SH2D4B: variants seen among roughly 807,000 people sequenced by gnomAD.
The protein encoded by SH2D4B is SH2 domain-containing protein 4B.
Under a neutral mutation model 61.5 loss-of-function variants are expected in SH2D4B, and 45 were observed. The ratio of observed to expected loss-of-function variants is 0.73; its 90% CI spans 0.58 to 0.94. The LOEUF (loss-of-function observed/expected upper bound fraction) is 0.94, where lower values mean the gene tolerates loss of function less well. Among genes scored for constraint, SH2D4B ranks in the 40% least tolerant of loss-of-function variants. The pLI is 0.00. For synonymous variants in SH2D4B, 224 were observed against 220.4 expected (o/e 1.02, Z -0.14); for missense variants, 572 against 574.2 (o/e 1.00, Z 0.04).
rs899311447 is a variant in SH2D4B at position 80,538,337 on chromosome 10, G to T, written c.6G>T (p.Leu2=). 7 of 1,346,086 alleles carry T rather than the reference G, an allele frequency of 5.2e-6. No homozygotes were observed. Among genetic ancestry groups the T allele is most frequent in the African/African-American group, 1.5e-5 (1 of 66,188 alleles). 83.4% of individuals were successfully genotyped at this position (1,346,086 alleles called of 1,614,324 possible). ...CGTGCATCCCAGGTGGCATCATGCT[G>T]CAGCAGATCCTGCACGACATGTACA... M[L]QQILHDMYID... Residue 2 remains leucine, a synonymous_variant, in exon 1 of 8, where the codon CTG becomes CTT. Transcript: ENST00000646907. This position sits in a 1 kb window ranked among gnomAD's most constrained non-coding sequence, Gnocchi z 4.8.
At position 80,538,406 on chromosome 10, in the gene SH2D4B, C is replaced by A; in HGVS notation, c.75C>A (p.His25Gln). 6.8e-7 allele frequency: 1 copy of A among 1,479,554 alleles called. No homozygotes were observed. The highest frequency in any genetic ancestry group is 9.0e-7 in the Non-Finnish European group (1 of 1,113,292). The allele number at this position is 1,479,554 out of a possible 1,614,324, so 91.7% of individuals were successfully genotyped here. A position where few individuals can be genotyped will look rare whatever the true frequency, so the allele number is the denominator to read the frequency against. The change falls in exon 1 of 8, where the codon CAC becomes CAA. Residue 25 changes from histidine (H) to glutamine (Q), a missense_variant. Physicochemically the swap from His to Gln is conservative, Grantham distance 24 (BLOSUM62 0). Coordinates refer to ENST00000646907, the MANE Select transcript of SH2D4B (RefSeq NM_001388272.1). This position sits in a 1 kb window ranked among gnomAD's most constrained non-coding sequence, Gnocchi z 4.8. ...CCGAGCTCAGCGATGTGCAGAAGCA[C>A]ATCCTCTTCTACAAAATGCGGGAGG... ...LLAELSDVQK[H>Q]ILFYKMREEQ...
intron 6 of SH2D4B, among the ~76,000 whole-genome samples, chr10:80,611,906 A>T (rs1842605759): frequency 6.6e-6 from 1 of 151,978 alleles, no homozygotes; most frequent in South Asian, 2.1e-4. Flanking sequence ...AAGCATGCAG[A>T]AAAGTTGCTG....
At chr10:80,557,498 T>C (rs962220829) in intron 1 of SH2D4B, among the ~76,000 whole-genome samples, 1 of 152,146 alleles carries the variant, frequency 6.6e-6, no homozygotes, top group Non-Finnish European at 1.5e-5. Context: ...ATGTCTTTCA[T>C]TGTGGGCAGA....
At chr10:80,567,895 A>AT (rs903060759) in intron 1 of SH2D4B, among the ~76,000 whole-genome samples, 18 of 152,176 alleles carry the variant, frequency 1.2e-4, no homozygotes, top group Non-Finnish European at 2.5e-4. Context: ...ACAACCAAAG[A>AT]TTTTTTAATC....
intron 4 of SH2D4B, among the ~76,000 whole-genome samples, chr10:80,601,578 A>G (rs1842452516): frequency 6.6e-6 from 1 of 152,174 alleles, no homozygotes; most frequent in Non-Finnish European, 1.5e-5. Context: ...GACCAAAGCA[A>G]ACTCTCCACC....
intron 1 of SH2D4B, among the ~76,000 whole-genome samples, chr10:80,558,333 T>C (rs1841863736): frequency 6.6e-6 from 1 of 152,194 alleles, no homozygotes; most frequent in East Asian, 1.9e-4. Flanking sequence ...AAGTGTTCCA[T>C]AAATGTCAGT....
rs745946529 is a variant in SH2D4B, at chr10:80,588,797, C to T, written c.643+20C>T. On this transcript the variant is annotated intron_variant, in intron 4 of 7. Coordinates refer to ENST00000646907, the MANE Select transcript of SH2D4B (RefSeq NM_001388272.1). ...AACAGTGTGAGTAGAGCTTGTGCCT[C>T]AGGCAGGGAGACCAGTCCCGCCTCC... The T allele has an allele frequency of 1.1e-5, 17 of 1,613,080 alleles. No homozygotes were observed. The Admixed American group carries it at 2.7e-4, about 25-fold the overall frequency.
intron 6 of SH2D4B, among the ~76,000 whole-genome samples, chr10:80,625,231 C>T (rs1842757423): frequency 6.6e-6 from 1 of 152,118 alleles, no homozygotes; most frequent in African/African-American, 2.4e-5. Context: ...TTACCACTCT[C>T]AATGTCTATC....
chr10:80,625,578 T>TC (rs913129346), intron 6 of SH2D4B, among the ~76,000 whole-genome samples: 4 of 148,240 alleles, frequency 2.7e-5, no homozygotes, highest in African/African-American at 2.6e-5. Flanking sequence ...TTTTTCTTTT[T>TC]TTTTCTTTTT....
intron 1 of SH2D4B, among the ~76,000 whole-genome samples, chr10:80,569,249 T>C (rs1842008224): frequency 6.6e-6 from 1 of 152,222 alleles, no homozygotes; most frequent in East Asian, 1.9e-4. Flanking sequence ...CCAGTGGACA[T>C]GAGGCAGAGA....
At position 80,640,208 on chromosome 10, in the gene SH2D4B, G is replaced by A. The variant is rs528980360; in HGVS notation, c.1210-3785G>A. ...GAGGTTAACCCGACCTTTCTCTCCC[G>A]CTGCCCTTAACATTTTTTCCTTCAT... On this transcript the variant is annotated intron_variant, in intron 7 of 7. Transcript: ENST00000646907. Among the ~76,000 whole-genome samples, 16 of 152,188 alleles carry A rather than the reference G, an allele frequency of 1.1e-4. No homozygotes were observed. The South Asian group carries it at 2.1e-3, about 20-fold the overall frequency.
At chr10:80,643,016 G>C (rs896375803) in intron 7 of SH2D4B, 1 of 152,606 alleles carries the variant, frequency 6.6e-6, no homozygotes, top group African/African-American at 2.4e-5. Context: ...CTGATGCTGA[G>C]GATCTTTTCA....
At chr10:80,629,876 C>T (rs1842810590) in intron 6 of SH2D4B, among the ~76,000 whole-genome samples, 1 of 152,132 alleles carries the variant, frequency 6.6e-6, no homozygotes, top group Non-Finnish European at 1.5e-5. Flanking sequence ...TGGAACAAGT[C>T]CCGGGTTATG....
chr10:80,616,092 T>C (rs752045467), intron 6 of SH2D4B, among the ~76,000 whole-genome samples: 23 of 151,848 alleles, frequency 1.5e-4, no homozygotes, highest in Non-Finnish European at 2.9e-4. Context: ...AAGATGACAC[T>C]GATTTAGCCT....
intron 1 of SH2D4B, among the ~76,000 whole-genome samples, chr10:80,550,737 T>G (rs1293815634): frequency 6.6e-6 from 1 of 152,222 alleles, no homozygotes; most frequent in African/African-American, 2.4e-5. Context: ...TAAGGTATTA[T>G]TTCCATTTTA....
chr10:80,592,697 T>C (rs1842343548), intron 4 of SH2D4B, among the ~76,000 whole-genome samples: 1 of 151,212 alleles, frequency 6.6e-6, no homozygotes, highest in Non-Finnish European at 1.5e-5. Context: ...TCTGTTTCTG[T>C]ACTCTGTCTC....
intron 7 of SH2D4B, among the ~76,000 whole-genome samples, chr10:80,637,910 T>C (rs1400110496): frequency 1.3e-5 from 2 of 152,224 alleles, no homozygotes; most frequent in East Asian, 3.8e-4. Flanking sequence ...CAGTATGATA[T>C]TGGCTGTGGG....
chr10:80,542,077 G>A (rs1248252694), intron 1 of SH2D4B, among the ~76,000 whole-genome samples: 2 of 152,040 alleles, frequency 1.3e-5, no homozygotes, highest in South Asian at 2.1e-4. Context: ...GACAAAGTTC[G>A]TTGTCCAGTA....
chr10:80,543,837 C>A (rs1841623715), intron 1 of SH2D4B, among the ~76,000 whole-genome samples: 1 of 152,130 alleles, frequency 6.6e-6, no homozygotes, highest in African/African-American at 2.4e-5. Flanking sequence ...CTGTATCTAG[C>A]TACTCTGGTG....
Sources: gnomAD v4.1 joint callset for allele counts (sites outside exome capture counted in the v4.1 genomes callset) on GRCh38, gnomAD v4.1.1 for gene constraint, Gnocchi (gnomAD v3.1) non-coding constraint, MANE v1.5 for transcripts, NCBI Gene and HGNC (gene_info 2026-07-23, HGNC 2026-07-21) for gene names.